GFRA2: variants seen among roughly 807,000 people sequenced by gnomAD.
GFRA2 encodes the protein GDNF family receptor alpha 2, also known as GDNF family receptor alpha-2.
In GFRA2, 17 loss-of-function variants were observed where a neutral mutation model predicts 48.3. That is an observed-to-expected ratio of 0.35 (90% confidence interval 0.24 to 0.53). The LOEUF is 0.53. Ranked by LOEUF, GFRA2 falls within the 20% of genes least tolerant of loss-of-function variation. The pLI, the probability that GFRA2 is intolerant of heterozygous loss-of-function variation, is 0.93. For missense variants in GFRA2, 660 were observed against 637.3 expected (o/e 1.04, Z -0.38); for synonymous variants, 305 against 257.2 (o/e 1.19, Z -1.78).
chr8:21,776,761 G>A (rs1382381905), intron 2 of GFRA2, among the ~76,000 whole-genome samples: 7 of 151,974 alleles, frequency 4.6e-5, no homozygotes, highest in African/African-American at 1.5e-4. Flanking sequence ...GTGAGCCACC[G>A]CGCCCAGCCA....
chr8:21,732,382 T>C (rs1804240995), intron 4 of GFRA2, among the ~76,000 whole-genome samples: 1 of 152,178 alleles, frequency 6.6e-6, no homozygotes, highest in Non-Finnish European at 1.5e-5. Flanking sequence ...GCCACTGTCC[T>C]ATGGCCCAGA....
At chr8:21,701,400 T>TA (rs1301216712) in intron 7 of GFRA2, among the ~76,000 whole-genome samples, 4 of 151,958 alleles carry the variant, frequency 2.6e-5, no homozygotes, top group African/African-American at 7.3e-5. Context: ...TCTCAAAAAA[T>TA]AAAAAATAAA....
chr8:21,770,372 G>A (rs1167972116), intron 3 of GFRA2, among the ~76,000 whole-genome samples: 1 of 152,220 alleles, frequency 6.6e-6, no homozygotes, highest in Non-Finnish European at 1.5e-5. Flanking sequence ...ATCTCATTTA[G>A]TCTTAACAAA....
At chr8:21,808,324 G>T (rs1585356150) in intron 1 of GFRA2, among the ~76,000 whole-genome samples, 1 of 152,262 alleles carries the variant, frequency 6.6e-6, no homozygotes, top group Non-Finnish European at 1.5e-5. Context: ...GAGCAGCACT[G>T]AATAGAGATG....
At chr8:21,718,753 C>T (rs1803455022) in intron 4 of GFRA2, among the ~76,000 whole-genome samples, 2 of 152,184 alleles carry the variant, frequency 1.3e-5, no homozygotes, top group African/African-American at 2.4e-5. Flanking sequence ...GGAATCATTG[C>T]TCCATTTTGC....
intron 3 of GFRA2, among the ~76,000 whole-genome samples, chr8:21,754,373 G>T (rs1164348043): frequency 6.6e-6 from 1 of 152,150 alleles, no homozygotes; most frequent in Non-Finnish European, 1.5e-5. Context: ...AAGCAAAATG[G>T]TACAGAGTAG....
chr8:21,788,706 A>C lies in GFRA2; in HGVS notation c.-547T>G. On this transcript the variant is annotated 5_prime_UTR_variant, in exon 1 of 9. Transcript: ENST00000524240. ...GACTGGAGTCGCTTCTTTCGCACCAAGACGAAGACAAGATTCAAAAAAATC... is the reference window on the plus strand; with the variant it reads ...GACTGGAGTCGCTTCTTTCGCACCACGACGAAGACAAGATTCAAAAAAATC... 1.0e-6 allele frequency: 1 copy of C among 985,612 alleles called. No individual in the cohort carries two copies. The highest frequency in any genetic ancestry group is 1.2e-6 in the Non-Finnish European group (1 of 830,030). The allele number at this position is 985,612 out of a possible 1,614,324, so 61.1% of individuals were successfully genotyped here.
At chr8:21,749,408 G>A (rs1481714596) in intron 4 of GFRA2, among the ~76,000 whole-genome samples, 1 of 151,918 alleles carries the variant, frequency 6.6e-6, no homozygotes, top group Non-Finnish European at 1.5e-5. Flanking sequence ...GGGACGGAAG[G>A]TCAGGAAAAT....
intron 4 of GFRA2, among the ~76,000 whole-genome samples, chr8:21,744,749 C>G (rs1338905994): frequency 6.6e-6 from 1 of 152,184 alleles, no homozygotes; most frequent in East Asian, 1.9e-4. Flanking sequence ...GGCTCCTTAT[C>G]AGAAGGCTTT....
intron 4 of GFRA2, among the ~76,000 whole-genome samples, chr8:21,729,113 C>T (rs1212376655): frequency 6.6e-6 from 1 of 152,168 alleles, no homozygotes; most frequent in Non-Finnish European, 1.5e-5. Context: ...TCTCCCTGGG[C>T]CTTTACTTAG....
intron 2 of GFRA2, among the ~76,000 whole-genome samples, chr8:21,802,136 T>C (rs1161624316): frequency 1.3e-5 from 2 of 152,198 alleles, no homozygotes; most frequent in African/African-American, 4.8e-5. Context: ...CTGTACAAAG[T>C]GCCCTCGCAC....
intron 4 of GFRA2, among the ~76,000 whole-genome samples, chr8:21,731,140 C>T (rs73219532): frequency 0.12 from 17,825 of 152,120 alleles, 1,240 homozygotes; most frequent in Middle Eastern, 0.2. Context: ...ACTGTCACCA[C>T]CACCAACTCC....
chr8:21,748,862 A>G (rs1805136563), intron 4 of GFRA2, among the ~76,000 whole-genome samples: 2 of 151,908 alleles, frequency 1.3e-5, no homozygotes, highest in Admixed American at 6.6e-5. Flanking sequence ...TGTGCCCAAC[A>G]CCTGCAGCTC....
intron 1 of GFRA2, among the ~76,000 whole-genome samples, chr8:21,787,673 G>A (rs7844050): frequency 0.15 from 22,625 of 152,178 alleles, 2,220 homozygotes; most frequent in Admixed American, 0.23. Flanking sequence ...CGACCGACTC[G>A]GGGAGCAGAC....
chr8:21,735,626 A>T (rs1804418684), intron 4 of GFRA2, among the ~76,000 whole-genome samples: 1 of 152,178 alleles, frequency 6.6e-6, no homozygotes, highest in African/African-American at 2.4e-5. Context: ...AGCCCAAATG[A>T]AAGAAACAAC....
intron 4 of GFRA2, among the ~76,000 whole-genome samples, chr8:21,718,878 G>A (rs1803461138): frequency 6.6e-6 from 1 of 152,078 alleles, no homozygotes; most frequent in Non-Finnish European, 1.5e-5. Flanking sequence ...TTTCCCTTCT[G>A]CCGTGCTCTC....
chr8:21,759,408 GAGAGGGAAAGAGGGAA>G (rs144218141), intron 3 of GFRA2, among the ~76,000 whole-genome samples: 7 of 136,464 alleles, frequency 5.1e-5, no homozygotes, highest in South Asian at 4.9e-4. Flanking sequence ...AAGGAAGAGA[GAGAGGGAAAGAGGGAA>G]AGAGGGAAAG....
chr8:21,697,760 G>C (rs1802280524), intron 7 of GFRA2, among the ~76,000 whole-genome samples: 1 of 152,138 alleles, frequency 6.6e-6, no homozygotes, highest in African/African-American at 2.4e-5. Context: ...CTGAATCATG[G>C]GCGTGGGTCT....
intron 4 of GFRA2, among the ~76,000 whole-genome samples, chr8:21,724,468 T>C (rs1803760132): frequency 1.3e-5 from 2 of 152,130 alleles, no homozygotes; most frequent in Non-Finnish European, 2.9e-5. Flanking sequence ...ATAGGAGGAC[T>C]ATTCCTTGAA....
Sources: gnomAD v4.1 joint callset for allele counts (sites outside exome capture counted in the v4.1 genomes callset) on GRCh38, gnomAD v4.1.1 for gene constraint, MANE v1.5 for transcripts, NCBI Gene and HGNC (gene_info 2026-07-23, HGNC 2026-07-21) for gene names.